SGCZ: variants seen among roughly 807,000 people sequenced by gnomAD.
SGCZ encodes zeta-sarcoglycan.
A neutral mutation model predicts 41.3 loss-of-function variants in SGCZ; 40 were observed. The ratio of observed to expected loss-of-function variants is 0.97; its 90% CI spans 0.75 to 1.26. The LOEUF (loss-of-function observed/expected upper bound fraction) is 1.26. Among genes scored for constraint, SGCZ ranks in the 50% most tolerant of loss-of-function variants. The pLI is 0.00. For missense variants in SGCZ, 552 were observed against 369.8 expected (o/e 1.49, Z -4.04); for synonymous variants, 206 against 137.5 (o/e 1.50, Z -3.49).
intron 1 of SGCZ, among the ~76,000 whole-genome samples, chr8:14,771,434 T>A (rs1800235011): frequency 6.6e-6 from 1 of 152,158 alleles, no homozygotes; most frequent in Non-Finnish European, 1.5e-5. Flanking sequence ...TTAACTGTAC[T>A]TTCAATTACA....
rs1803686770 is a variant in SGCZ, at chr8:14,365,832, A to G, written c.235-41628T>C. 2.0e-5 allele frequency among the ~76,000 whole-genome samples: 3 copies of G among 152,252 alleles called. No homozygotes were observed. In the South Asian group the frequency reaches 6.2e-4, roughly 32 times the overall value. On this transcript the variant is annotated intron_variant, in intron 2 of 7. Transcript: ENST00000382080. ...ATAAGGCTGTTAATAAAATCATATT[A>G]TCACCTTTTCTCTGTATGATTATAT...
intron 1 of SGCZ, among the ~76,000 whole-genome samples, chr8:15,139,294 T>A (rs1036767713): frequency 1.3e-5 from 2 of 152,206 alleles, no homozygotes; most frequent in African/African-American, 2.4e-5. Context: ...AAACAACATG[T>A]ATCAGTCATG....
At chr8:15,129,117 T>C (rs1488154862) in intron 1 of SGCZ, among the ~76,000 whole-genome samples, 1 of 152,220 alleles carries the variant, frequency 6.6e-6, no homozygotes, top group Non-Finnish European at 1.5e-5. Context: ...ATAAAGTATC[T>C]TCTTCTTTCA....
intron 3 of SGCZ, among the ~76,000 whole-genome samples, chr8:14,245,972 A>T (rs1418819825): frequency 6.6e-6 from 1 of 152,216 alleles, no homozygotes; most frequent in South Asian, 2.1e-4. Flanking sequence ...GATGTGGAAA[A>T]ATAGGTACAC....
intron 1 of SGCZ, among the ~76,000 whole-genome samples, chr8:15,187,970 G>A (rs1002831254): frequency 2.6e-5 from 4 of 151,918 alleles, no homozygotes; most frequent in South Asian, 2.1e-4. Context: ...TATGATATCC[G>A]TATTTGTGTA....
intron 3 of SGCZ, among the ~76,000 whole-genome samples, chr8:14,270,459 C>A (rs1371074399): frequency 6.6e-6 from 1 of 152,142 alleles, no homozygotes; most frequent in East Asian, 1.9e-4. Flanking sequence ...TAAAATGAAC[C>A]GATACGGCTT....
intron 5 of SGCZ, among the ~76,000 whole-genome samples, chr8:14,138,154 C>T (rs956226625): frequency 3.3e-5 from 5 of 152,158 alleles, no homozygotes; most frequent in African/African-American, 1.2e-4. Flanking sequence ...ACCACCAGGC[C>T]TGCCTTACAA....
At chr8:14,207,474 C>G (rs957670617) in intron 4 of SGCZ, among the ~76,000 whole-genome samples, 1 of 152,120 alleles carries the variant, frequency 6.6e-6, no homozygotes, top group Non-Finnish European at 1.5e-5. Flanking sequence ...CCTTTCTGCA[C>G]TACTATGTTT....
At chr8:15,223,887 C>T (rs1295586305) in intron 1 of SGCZ, among the ~76,000 whole-genome samples, 2 of 136,976 alleles carry the variant, frequency 1.5e-5, no homozygotes, top group African/African-American at 3.0e-5. Flanking sequence ...TTTATTGAGA[C>T]AGAGTCTCAC....
At chr8:14,319,798 G>C (rs1340016352) in intron 3 of SGCZ, among the ~76,000 whole-genome samples, 1 of 151,944 alleles carries the variant, frequency 6.6e-6, no homozygotes, top group Non-Finnish European at 1.5e-5. Flanking sequence ...ACAAACTGGA[G>C]AGCAGCTAAT....
chr8:14,334,535 A>G (rs1802444588), intron 2 of SGCZ, among the ~76,000 whole-genome samples: 1 of 152,114 alleles, frequency 6.6e-6, no homozygotes, highest in South Asian at 2.1e-4. Context: ...TAGCTTCCCT[A>G]ATAGTCTTCA....
In SGCZ at chr8:14,129,913, C is replaced by G. The variant is rs1003340925; in HGVS notation, c.548-21678G>C. On this transcript the variant is annotated intron_variant, in intron 5 of 7. Coordinates refer to ENST00000382080, the MANE Select transcript of SGCZ (RefSeq NM_139167.4). Reference sequence around the variant, plus strand: ...AATATGGTTAAGCTGTCAGTGTTATCGCAAGTATTCTTCAGATTCAATGCA... The same window carrying G: ...AATATGGTTAAGCTGTCAGTGTTATGGCAAGTATTCTTCAGATTCAATGCA... 3.3e-5 allele frequency among the ~76,000 whole-genome samples: 5 copies of G among 152,096 alleles called. No homozygotes were observed. The South Asian group carries it at 8.3e-4, about 25-fold the overall frequency.
At chr8:15,025,739 A>G (rs756512508) in intron 1 of SGCZ, among the ~76,000 whole-genome samples, 1 of 152,200 alleles carries the variant, frequency 6.6e-6, no homozygotes, top group Non-Finnish European at 1.5e-5. Context: ...GCAATTTCTG[A>G]CATATGAGAT....
At chr8:14,654,208 A>G (rs1008728911) in intron 1 of SGCZ, among the ~76,000 whole-genome samples, 1 of 151,736 alleles carries the variant, frequency 6.6e-6, no homozygotes, top group Non-Finnish European at 1.5e-5. Flanking sequence ...ATAATGGGTA[A>G]CATATGACAA....
At chr8:14,930,231 G>C (rs1247910419) in intron 1 of SGCZ, among the ~76,000 whole-genome samples, 1 of 151,920 alleles carries the variant, frequency 6.6e-6, no homozygotes, top group African/African-American at 2.4e-5. Context: ...ACAAACATAT[G>C]AAAAAAAGCT....
chr8:14,112,128 G>A (rs1014119458), intron 5 of SGCZ, among the ~76,000 whole-genome samples: 1 of 151,986 alleles, frequency 6.6e-6, no homozygotes, highest in Non-Finnish European at 1.5e-5. Flanking sequence ...AACCAAGAAA[G>A]GCAAGAACAC....
intron 4 of SGCZ, among the ~76,000 whole-genome samples, chr8:14,205,890 A>T (rs1407434959): frequency 6.6e-6 from 1 of 152,252 alleles, no homozygotes; most frequent in Non-Finnish European, 1.5e-5. Flanking sequence ...AAATTACCCA[A>T]GTTTTCTCAT....
intron 1 of SGCZ, among the ~76,000 whole-genome samples, chr8:14,626,667 C>T (rs1806465936): frequency 6.6e-6 from 1 of 152,030 alleles, no homozygotes; most frequent in Non-Finnish European, 1.5e-5. Flanking sequence ...GGGAAAATAT[C>T]ATGAAAAGAT....
At chr8:14,266,898 T>G (rs1799888672) in intron 3 of SGCZ, among the ~76,000 whole-genome samples, 1 of 152,122 alleles carries the variant, frequency 6.6e-6, no homozygotes, top group Non-Finnish European at 1.5e-5. Flanking sequence ...GTAGAGGAAC[T>G]ATTGCAAGAC....
Sources: gnomAD v4.1 joint callset for allele counts (sites outside exome capture counted in the v4.1 genomes callset) on GRCh38, gnomAD v4.1.1 for gene constraint, MANE v1.5 for transcripts, NCBI Gene and HGNC (gene_info 2026-07-23, HGNC 2026-07-21) for gene names.